The following DLGAP2 variants were observed in gnomAD, a reference collection of about 807,000 sequenced individuals.
DLGAP2 encodes DLG associated protein 2.
In DLGAP2, 26 loss-of-function variants were observed where a neutral mutation model predicts 100.3. The observed-to-expected ratio is 0.26, with a 90% CI of 0.19 to 0.36. The LOEUF is 0.36. Ranked by LOEUF, DLGAP2 falls within the 10% of genes least tolerant of loss-of-function variation. The probability of loss-of-function intolerance (pLI) is 1.00; values close to 1 mark genes in which losing one functional copy is unlikely to be tolerated. For missense variants in DLGAP2, 1,858 were observed against 1,453.2 expected, an observed-to-expected ratio of 1.28 and a Z score of -4.53; for synonymous variants, 886 against 630.1, an observed-to-expected ratio of 1.41 and a Z score of -6.08.
At chr8:771,193 C>T (rs1358995789) in intron 1 of DLGAP2, among the ~76,000 whole-genome samples, 3 of 152,184 alleles carry the variant, frequency 2.0e-5, no homozygotes, top group African/African-American at 7.2e-5. Flanking sequence ...CTTAATCATG[C>T]ATATTGCTAC....
At position 950,815 on chromosome 8, in the gene DLGAP2, G is replaced by C. The variant is rs372994151; in HGVS notation, c.73+42849G>C. ...TTTTTTGTATTTTTTTAGTAGAGATGGGGTTTCACCATATTGGCCAGGCTG... is the reference window on the plus strand; with the variant it reads ...TTTTTTGTATTTTTTTAGTAGAGATCGGGTTTCACCATATTGGCCAGGCTG... On this transcript the variant is annotated intron_variant, in intron 2 of 14. Transcript: ENST00000637795. Among the ~76,000 whole-genome samples, 3 of 151,686 alleles carry C rather than the reference G, an allele frequency of 2.0e-5. No individual in the cohort carries two copies. The South Asian group carries it at 6.3e-4, about 32-fold the overall frequency.
intron 6 of DLGAP2, among the ~76,000 whole-genome samples, chr8:1,590,002 A>G (rs1309700041): frequency 6.6e-6 from 1 of 152,074 alleles, no homozygotes; most frequent in East Asian, 1.9e-4. Context: ...TCTGAAATCA[A>G]GGTGTGGGCA....
At chr8:874,103 T>G (rs531454333) in intron 1 of DLGAP2, among the ~76,000 whole-genome samples, 1 of 152,308 alleles carries the variant, frequency 6.6e-6, no homozygotes, top group South Asian at 2.1e-4. Context: ...CTCTTTTTTT[T>G]CTTTGTCAAT....
At chr8:1,211,513 T>C (rs7828573) in intron 2 of DLGAP2, among the ~76,000 whole-genome samples, 1 of 152,232 alleles carries the variant, frequency 6.6e-6, no homozygotes, top group Admixed American at 6.5e-5. Context: ...TGTATTTAAA[T>C]TTTCTGTTTG....
intron 3 of DLGAP2, among the ~76,000 whole-genome samples, chr8:1,360,335 T>G (rs918313681): frequency 7.4e-5 from 11 of 149,138 alleles, no homozygotes; most frequent in Admixed American, 6.7e-4. Context: ...TCCAGGACGG[T>G]GCTTTCAACA....
At chr8:1,205,925 G>C (rs760643433) in intron 2 of DLGAP2, among the ~76,000 whole-genome samples, 12 of 152,158 alleles carry the variant, frequency 7.9e-5, no homozygotes, top group Non-Finnish European at 1.5e-4. Context: ...TGCTGAGGCA[G>C]GAGGATCACT....
At chr8:1,291,736 C>G (rs532405197) in intron 3 of DLGAP2, among the ~76,000 whole-genome samples, 1 of 152,110 alleles carries the variant, frequency 6.6e-6, no homozygotes, top group Non-Finnish European at 1.5e-5. Flanking sequence ...TTCCAGTGTG[C>G]TTTGGACCCC....
At chr8:1,353,506 C>T (rs1160734839) in intron 3 of DLGAP2, among the ~76,000 whole-genome samples, 2 of 152,110 alleles carry the variant, frequency 1.3e-5, no homozygotes, top group South Asian at 2.1e-4. Flanking sequence ...GTTCTGAGCA[C>T]GTTTAAGGTT....
intron 7 of DLGAP2, among the ~76,000 whole-genome samples, chr8:1,628,048 GAGCTTGAGCCA>G: frequency 7.9e-6 from 1 of 125,998 alleles, no homozygotes; most frequent in African/African-American, 3.5e-5. Flanking sequence ...CAGGGATTAA[GAGCTTGAGCCA>G]ACCTCACATT....
In DLGAP2 at chr8:837,974, G is replaced by C. The variant is rs11998145; in HGVS notation, c.19-69938G>C. On this transcript the variant is annotated intron_variant, in intron 1 of 14. Transcript: ENST00000637795. Reference sequence around the variant, plus strand: ...GCTCCTGAGCTCAAGTGATCTGCCTGCCTTGGCCTCCCAAAGTGCTGGGGT... The same window carrying C: ...GCTCCTGAGCTCAAGTGATCTGCCTCCCTTGGCCTCCCAAAGTGCTGGGGT... 3.6e-3 allele frequency among the ~76,000 whole-genome samples: 541 copies of C among 149,806 alleles called. 3 individuals are homozygous for C. The highest frequency in any genetic ancestry group is 0.012 in the African/African-American group (495 of 40,802).
chr8:1,272,236 A>C (rs535919591), intron 3 of DLGAP2, among the ~76,000 whole-genome samples: 2 of 152,338 alleles, frequency 1.3e-5, no homozygotes, highest in Admixed American at 1.3e-4. Flanking sequence ...ATTGAATTTG[A>C]GTTGGTATTT....
rs1225786918 is a variant in DLGAP2, at chr8:1,678,494, G to A, written c.2569G>A (p.Glu857Lys). Reference protein sequence around the residue: ...PWLEPAIDTVETGRMSPCRRD... With the variant: ...PWLEPAIDTVKTGRMSPCRRD... ...GCTGGAGCCCGCCATCGACACGGTA[G>A]AGACTGGGAGGATGTCTCCGTGCCG... is the stretch of plus-strand genomic sequence containing the variant. The change falls in exon 12 of 15, where the codon GAG becomes AAG. Residue 857 changes from glutamate (E) to lysine (K), a missense_variant. By Grantham distance (56) the Glu-to-Lys change is moderately conservative. Coordinates refer to ENST00000637795, the MANE Select transcript of DLGAP2 (RefSeq NM_001346810.2). 6.2e-7 allele frequency: 1 copy of A among 1,612,620 alleles called. No homozygotes were observed. The highest frequency in any genetic ancestry group is 2.2e-5 in the East Asian group (1 of 44,808).
At chr8:1,135,986 C>G (rs1414326608) in intron 2 of DLGAP2, among the ~76,000 whole-genome samples, 1 of 152,206 alleles carries the variant, frequency 6.6e-6, no homozygotes. Context: ...ATCAATGAGC[C>G]AGATCCTCCA....
chr8:817,836 G>A (rs1324630264), intron 1 of DLGAP2, among the ~76,000 whole-genome samples: 1 of 152,206 alleles, frequency 6.6e-6, no homozygotes, highest in African/African-American at 2.4e-5. Context: ...TCTTGCAGAT[G>A]TGGATACCAG....
chr8:1,549,559 G>T lies in DLGAP2; in HGVS notation c.1106G>T (p.Ser369Ile). 6.2e-7 allele frequency: 1 copy of T among 1,613,188 alleles called. No homozygotes were observed. The highest frequency in any genetic ancestry group is 8.5e-7 in the Non-Finnish European group (1 of 1,179,842). ...CCCGACGCCAAGTACCTGAAGCGCA[G>T]CTCCTGGTCTACGCTGACGGTCAGC... is the stretch of plus-strand genomic sequence containing the variant. ...LTPDAKYLKR[S>I]SWSTLTVSQA... Residue 369 changes from serine (S) to isoleucine (I), a missense_variant, in exon 5 of 15, where the codon AGC becomes ATC. Coordinates refer to ENST00000637795, the MANE Select transcript of DLGAP2 (RefSeq NM_001346810.2).
intron 1 of DLGAP2, among the ~76,000 whole-genome samples, chr8:773,414 G>A (rs1821420157): frequency 6.6e-6 from 1 of 150,802 alleles, no homozygotes; most frequent in East Asian, 1.9e-4. Flanking sequence ...AGTTACATAT[G>A]TATACATGTG....
At chr8:1,675,207 G>A (rs971354258) in intron 10 of DLGAP2, among the ~76,000 whole-genome samples, 10 of 152,198 alleles carry the variant, frequency 6.6e-5, no homozygotes, top group African/African-American at 2.4e-4. Context: ...CTGGATCCAC[G>A]GCGGCGGCCG....
intron 2 of DLGAP2, among the ~76,000 whole-genome samples, chr8:1,071,070 G>A (rs987394314): frequency 4.6e-5 from 7 of 152,178 alleles, no homozygotes; most frequent in Admixed American, 1.3e-4. Flanking sequence ...TGTTTCGGGG[G>A]CGACCCGGGC....
intron 2 of DLGAP2, among the ~76,000 whole-genome samples, chr8:1,215,476 G>C (rs1798196286): frequency 8.5e-6 from 1 of 117,972 alleles, no homozygotes; most frequent in Non-Finnish European, 1.8e-5. Context: ...AGACGTCCAG[G>C]TACCTGGATG....
Sources: gnomAD v4.1 joint callset for allele counts (sites outside exome capture counted in the v4.1 genomes callset) on GRCh38, gnomAD v4.1.1 for gene constraint, MANE v1.5 for transcripts, NCBI Gene and HGNC (gene_info 2026-07-23, HGNC 2026-07-21) for gene names.